ADAMTS12: variants seen among roughly 807,000 people sequenced by gnomAD.
The protein encoded by ADAMTS12 is A disintegrin and metalloproteinase with thrombospondin motifs 12.
In ADAMTS12, 118 loss-of-function variants were observed where a neutral mutation model predicts 167.8. That is an observed-to-expected ratio of 0.70 (90% CI 0.61 to 0.82). ADAMTS12 has a LOEUF of 0.82. ADAMTS12 is among the 40% of genes least tolerant of loss of function. The probability of loss-of-function intolerance (pLI) is 0.00; values close to 1 mark genes in which losing one functional copy is unlikely to be tolerated. For synonymous variants in ADAMTS12, 704 were observed against 716.9 expected, an observed-to-expected ratio of 0.98 and a Z score of 0.29; for missense variants, 1,916 against 1,998.8, an observed-to-expected ratio of 0.96 and a Z score of 0.79.
At chr5:33,606,604 A>C (rs1738450285) in intron 16 of ADAMTS12, among the ~76,000 whole-genome samples, 1 of 152,238 alleles carries the variant, frequency 6.6e-6, no homozygotes, top group African/African-American at 2.4e-5. Flanking sequence ...AGAAGAATGA[A>C]GAAAAATCTC....
At chr5:33,747,092 G>C (rs1744816160) in intron 3 of ADAMTS12, among the ~76,000 whole-genome samples, 1 of 152,160 alleles carries the variant, frequency 6.6e-6, no homozygotes, top group Non-Finnish European at 1.5e-5. Context: ...AGCTCATCTG[G>C]GATATGTGCT....
At chr5:33,619,968 C>T (rs1446822929) in intron 14 of ADAMTS12, among the ~76,000 whole-genome samples, 2 of 152,224 alleles carry the variant, frequency 1.3e-5, no homozygotes, top group Admixed American at 1.3e-4. Flanking sequence ...GTTGGGATTA[C>T]AGGCGTGAGC....
intron 2 of ADAMTS12, among the ~76,000 whole-genome samples, chr5:33,860,149 G>C (rs932821310): frequency 1.3e-5 from 2 of 152,142 alleles, no homozygotes; most frequent in Admixed American, 1.3e-4. Context: ...AAGAAAACTG[G>C]ATGGAGAACG....
chr5:33,569,928 C>T (rs993969642), intron 19 of ADAMTS12, among the ~76,000 whole-genome samples: 5 of 152,284 alleles, frequency 3.3e-5, no homozygotes, highest in Admixed American at 2.6e-4. Context: ...AAAGCCAAGG[C>T]TCAAGAACTA....
At chr5:33,707,832 C>A (rs1198374135) in intron 3 of ADAMTS12, among the ~76,000 whole-genome samples, 5 of 152,082 alleles carry the variant, frequency 3.3e-5, no homozygotes, top group African/African-American at 2.4e-5. Context: ...AAACATAAGA[C>A]CTAAAACCAT....
Position 33,891,909 on chromosome 5 carries a change from A to G in ADAMTS12, c.-53T>C. ...CAAAAAAGTTTTAGCCCTCAGCTCC[A>G]GAAATAAAGCGCTCGCCTGTGGCCC... is the stretch of plus-strand genomic sequence containing the variant. On this transcript the variant is annotated 5_prime_UTR_variant, in exon 1 of 24. Coordinates refer to ENST00000504830, the MANE Select transcript of ADAMTS12 (RefSeq NM_030955.4). The G allele has an allele frequency of 2.5e-6, 4 of 1,591,380 alleles. No homozygotes were observed. The highest frequency in any genetic ancestry group is 2.6e-6 in the Non-Finnish European group (3 of 1,169,942).
intron 9 of ADAMTS12, among the ~76,000 whole-genome samples, chr5:33,645,701 C>G (rs564593097): frequency 1.3e-5 from 2 of 152,136 alleles, no homozygotes; most frequent in East Asian, 3.9e-4. Context: ...GGAGTTTATA[C>G]TATCTCAAAA....
chr5:33,848,921 T>C (rs1369893423), intron 2 of ADAMTS12, among the ~76,000 whole-genome samples: 1 of 151,750 alleles, frequency 6.6e-6, no homozygotes, highest in African/African-American at 2.4e-5. Context: ...TATATATATA[T>C]CGTGGTGTTT....
At chr5:33,826,462 G>GCATA (rs1335601350) in intron 2 of ADAMTS12, among the ~76,000 whole-genome samples, 1 of 151,960 alleles carries the variant, frequency 6.6e-6, no homozygotes, top group East Asian at 1.9e-4. Flanking sequence ...ACATATGTAT[G>GCATA]CATACATGTA....
rs201906797 is a variant in ADAMTS12 at position 33,576,524 on chromosome 5, C to G, written c.3502G>C (p.Asp1168His). ...GSGEEREQPE[D>H]KDESNPVIWT... ...ATTACAGGATTGCTTTCATCTTTGT[C>G]CTCAGGCTGTTCTCTTTCTTCCCCT... is the stretch of plus-strand genomic sequence containing the variant. Residue 1168 changes from aspartate to histidine, a missense_variant, in exon 19 of 24, where the codon GAC (aspartate) becomes CAC (histidine). Asp to His is a moderately conservative substitution (Grantham distance 81). Transcript: ENST00000504830. The G allele has an allele frequency of 4.5e-5, 73 of 1,612,802 alleles. No individual in the cohort carries two copies. Among genetic ancestry groups the G allele is most frequent in the East Asian group, 3.6e-4 (16 of 44,876 alleles).
intron 2 of ADAMTS12, among the ~76,000 whole-genome samples, chr5:33,804,910 TA>T (rs11300325): frequency 0.014 from 2,109 of 151,136 alleles, 54 homozygotes; most frequent in African/African-American, 0.049. Flanking sequence ...CACTACAGAA[TA>T]AAAAAAAATG....
intron 18 of ADAMTS12, among the ~76,000 whole-genome samples, chr5:33,586,004 A>C (rs1278040176): frequency 2.0e-5 from 3 of 152,158 alleles, no homozygotes; most frequent in African/African-American, 7.2e-5. Context: ...ATTTTACAGG[A>C]GTCTAGAAGG....
At chr5:33,882,000 C>T (rs1374406952) in intron 1 of ADAMTS12, among the ~76,000 whole-genome samples, 3 of 152,136 alleles carry the variant, frequency 2.0e-5, no homozygotes, top group Non-Finnish European at 4.4e-5. Context: ...TCCTCAGTGA[C>T]ATGATATCAG....
intron 3 of ADAMTS12, among the ~76,000 whole-genome samples, chr5:33,688,611 C>T (rs1038923277): frequency 2.0e-5 from 3 of 152,204 alleles, no homozygotes; most frequent in Non-Finnish European, 2.9e-5. Flanking sequence ...GCATGGATCA[C>T]GCCTTGACGA....
At chr5:33,831,249 C>T (rs1040368260) in intron 2 of ADAMTS12, among the ~76,000 whole-genome samples, 1 of 152,146 alleles carries the variant, frequency 6.6e-6, no homozygotes, top group Non-Finnish European at 1.5e-5. Context: ...ATTTATATCC[C>T]TTATTAAAGA....
chr5:33,628,848 G>A (rs1739786053), intron 13 of ADAMTS12, among the ~76,000 whole-genome samples: 1 of 152,158 alleles, frequency 6.6e-6, no homozygotes, highest in Non-Finnish European at 1.5e-5. Context: ...TAGACAGAAA[G>A]TGGGTAATTA....
intron 3 of ADAMTS12, among the ~76,000 whole-genome samples, chr5:33,715,663 T>C (rs555951264): frequency 6.6e-6 from 1 of 152,162 alleles, no homozygotes; most frequent in East Asian, 1.9e-4. Context: ...AACAGGAGGG[T>C]AGTATGTGTT....
At chr5:33,704,907 C>T (rs942339416) in intron 3 of ADAMTS12, among the ~76,000 whole-genome samples, 3 of 151,452 alleles carry the variant, frequency 2.0e-5, no homozygotes, top group African/African-American at 4.9e-5. Context: ...GAAATCATTT[C>T]CCAGTCCAAT....
chr5:33,823,595 A>G (rs1747944537), intron 2 of ADAMTS12, among the ~76,000 whole-genome samples: 1 of 151,758 alleles, frequency 6.6e-6, no homozygotes, highest in African/African-American at 2.4e-5. Context: ...GGGGAGACTC[A>G]GCCCCCAGTG....
Sources: gnomAD v4.1 joint callset for allele counts (sites outside exome capture counted in the v4.1 genomes callset) on GRCh38, gnomAD v4.1.1 for gene constraint, MANE v1.5 for transcripts, NCBI Gene and HGNC (gene_info 2026-07-23, HGNC 2026-07-21) for gene names.